The following ERBIN variants were observed in gnomAD, a reference collection of about 807,000 sequenced individuals.
The protein encoded by ERBIN is erbb2 interacting protein.
A neutral mutation model predicts 158.4 loss-of-function variants in ERBIN; 60 were observed. The ratio of observed to expected loss-of-function variants is 0.38; its 90% CI spans 0.31 to 0.47. ERBIN has a LOEUF of 0.47. ERBIN is among the 20% of genes least tolerant of loss of function. The pLI, the probability that ERBIN is intolerant of heterozygous loss-of-function variation, is 0.99. For missense variants in ERBIN, 1,610 were observed against 1,648.0 expected (o/e 0.98, Z 0.40); for synonymous variants, 594 against 557.2 (o/e 1.07, Z -0.93).
Position 66,046,553 on chromosome 5 carries a change from T to G in ERBIN, c.1788+15T>G. ...ATGTTTTTGAGGTATGATTTTATGATTATTCTGGAGCAACTATAAGAACTT... is the reference window on the plus strand; with the variant it reads ...ATGTTTTTGAGGTATGATTTTATGAGTATTCTGGAGCAACTATAAGAACTT... On this transcript the variant is annotated intron_variant, in intron 18 of 25. Coordinates refer to ENST00000284037, the MANE Select transcript of ERBIN (RefSeq NM_001253697.2). The G allele has an allele frequency of 6.4e-7, 1 of 1,553,798 alleles. No homozygotes were observed. Among genetic ancestry groups the G allele is most frequent in the Non-Finnish European group, 8.7e-7 (1 of 1,147,794 alleles).
intron 17 of ERBIN, among the ~76,000 whole-genome samples, chr5:66,044,822 A>G (rs1758261055): frequency 6.6e-6 from 1 of 151,876 alleles, no homozygotes; most frequent in South Asian, 2.1e-4. Flanking sequence ...CACTCCTGTT[A>G]TCCCAGCACT....
intron 1 of ERBIN, among the ~76,000 whole-genome samples, chr5:65,987,842 C>CA (rs60092791): frequency 0.071 from 5,915 of 82,906 alleles, 153 homozygotes; most frequent in African/African-American, 0.1. Context: ...GATACGTCTC[C>CA]AAAAAAAAAA....
chr5:66,031,618 G>A (rs748715460), intron 14 of ERBIN, among the ~76,000 whole-genome samples: 3 of 152,164 alleles, frequency 2.0e-5, no homozygotes, highest in Non-Finnish European at 2.9e-5. Context: ...GATCTTTTGA[G>A]GCCCGAGTTT....
chr5:65,985,653 C>G (rs1165233155), intron 1 of ERBIN, among the ~76,000 whole-genome samples: 1 of 152,194 alleles, frequency 6.6e-6, no homozygotes, highest in African/African-American at 2.4e-5. Context: ...TCTTTCTCTA[C>G]TAGATTGTTT....
chr5:66,044,663 G>T (rs961722742), intron 17 of ERBIN, among the ~76,000 whole-genome samples: 13 of 152,084 alleles, frequency 8.5e-5, no homozygotes, highest in Non-Finnish European at 1.9e-4. Flanking sequence ...TACTTGGGAG[G>T]CTGAGGCAGG....
At chr5:66,022,742 C>G (rs1282320371) in intron 8 of ERBIN, 1 of 152,256 alleles carries the variant, frequency 6.6e-6, no homozygotes, top group Non-Finnish European at 1.5e-5. Flanking sequence ...GAAGTTTTTA[C>G]TAGAGGTTTA....
intron 1 of ERBIN, among the ~76,000 whole-genome samples, chr5:65,979,401 T>TGGGTG (rs1750397517): frequency 6.6e-6 from 1 of 152,182 alleles, no homozygotes; most frequent in Admixed American, 6.5e-5. Flanking sequence ...CACTTCAGCC[T>TGGGTG]GGGTGACTGA....
At chr5:66,011,927 T>A (rs1381089010) in intron 4 of ERBIN, 122 bp from the exon 5 acceptor site, 2 of 538,126 alleles carry the variant, frequency 3.7e-6, no homozygotes, top group Non-Finnish European at 6.7e-6. Context: ...ATGTTGTCAG[T>A]TCATCTAGTT....
chr5:66,013,335 C>A (rs1348318287), intron 5 of ERBIN, among the ~76,000 whole-genome samples: 1 of 151,914 alleles, frequency 6.6e-6, no homozygotes, highest in Non-Finnish European at 1.5e-5. Context: ...ACAAATATTA[C>A]CTCATTTTCT....
chr5:66,018,579 ATATATAT>A (rs1755283218), intron 7 of ERBIN, among the ~76,000 whole-genome samples: 2 of 37,796 alleles, frequency 5.3e-5, no homozygotes, highest in African/African-American at 3.8e-4. Context: ...ATATTATATA[ATATATAT>A]TATATAATAT....
chr5:66,042,446 C>T (rs540650788), intron 15 of ERBIN, among the ~76,000 whole-genome samples: 8 of 151,524 alleles, frequency 5.3e-5, no homozygotes, highest in East Asian at 3.9e-4. Context: ...TTTTTGACTT[C>T]GGAATATTTG....
chr5:66,075,108 G>A lies in ERBIN; in HGVS notation c.3841G>A (p.Val1281Met), dbSNP rs1761866550. ...AATACATCACCCCCCTCAGGCATCT[G>A]TGGCAAGGCATCCCTCTAGAGAACA... ...SQIHHPPQAS[V>M]ARHPSREQLI... Residue 1281 changes from valine (V) to methionine (M), a missense_variant, in exon 23 of 26, where the codon GTG becomes ATG. This residue lies in a region of ERBIN where 1,014 missense variants were observed against 936.1 expected (regional missense o/e 1.08). Transcript: ENST00000284037. The A allele has an allele frequency of 1.2e-6, 2 of 1,614,044 alleles. No homozygotes were observed. The highest frequency in any genetic ancestry group is 1.7e-6 in the Non-Finnish European group (2 of 1,180,020).
chr5:65,968,685 C>T (rs1486711262), intron 1 of ERBIN, among the ~76,000 whole-genome samples: 3 of 152,074 alleles, frequency 2.0e-5, no homozygotes, highest in Admixed American at 6.5e-5. Context: ...CTCAGTCTCC[C>T]GAGTAGCTGG....
chr5:66,063,855 C>T (rs748477130), intron 21 of ERBIN, among the ~76,000 whole-genome samples: 4 of 152,082 alleles, frequency 2.6e-5, no homozygotes, highest in East Asian at 3.9e-4. Context: ...TAGAGACATT[C>T]GTATTTATAT....
intron 21 of ERBIN, among the ~76,000 whole-genome samples, chr5:66,062,411 C>A (rs1182843906): frequency 6.6e-6 from 1 of 152,150 alleles, no homozygotes; most frequent in African/African-American, 2.4e-5. Context: ...TTAAGGACTT[C>A]TCTGCATTGG....
chr5:65,971,529 G>C (rs1274383411), intron 1 of ERBIN, among the ~76,000 whole-genome samples: 3 of 152,110 alleles, frequency 2.0e-5, no homozygotes, highest in African/African-American at 4.8e-5. Context: ...GTAAAAATAA[G>C]GTAATAAGGA....
rs1467927871 is a variant in ERBIN, at chr5:66,018,611, T to C, written c.534-2711T>C. Among the ~76,000 whole-genome samples, 8 of 74,604 alleles carry C rather than the reference T, an allele frequency of 1.1e-4. 1 individual carries two copies. Among genetic ancestry groups the C allele is most frequent in the Admixed American group, 4.8e-4 (2 of 4,180 alleles). 48.9% of individuals were successfully genotyped at this position (74,604 alleles called of 152,430 possible). ...TTATATAATATATATTATATATACA[T>C]ACACACACACATATAGATTTTTTTT... On this transcript the variant is annotated intron_variant, in intron 7 of 25. Transcript: ENST00000284037.
At chr5:66,028,557 A>G (rs566603575) in intron 14 of ERBIN, among the ~76,000 whole-genome samples, 2 of 152,300 alleles carry the variant, frequency 1.3e-5, no homozygotes, top group South Asian at 2.1e-4. Flanking sequence ...GGACTTGCCT[A>G]ATTTCTCCTA....
intron 4 of ERBIN, among the ~76,000 whole-genome samples, chr5:66,001,306 A>G (rs1752992071): frequency 6.6e-6 from 1 of 152,144 alleles, no homozygotes; most frequent in Non-Finnish European, 1.5e-5. Flanking sequence ...TGCTAGGTAC[A>G]GTTTTCAGAT....
Sources: gnomAD v4.1 joint callset for allele counts (sites outside exome capture counted in the v4.1 genomes callset) on GRCh38, gnomAD v4.1.1 for gene constraint, gnomAD v4.1.1 regional missense constraint, MANE v1.5 for transcripts, NCBI Gene and HGNC (gene_info 2026-07-23, HGNC 2026-07-21) for gene names.